RERG: variants seen among roughly 807,000 people sequenced by gnomAD.
RERG encodes ras-related and estrogen-regulated growth inhibitor.
RERG carries 25 observed loss-of-function variants against 23.2 expected under a neutral mutation model. The ratio of observed to expected loss-of-function variants is 1.08; its 90% confidence interval spans 0.79 to 1.50. The LOEUF (loss-of-function observed/expected upper bound fraction) is 1.50, where lower values mean the gene tolerates loss of function less well. Ranked by LOEUF, RERG falls within the 40% of genes most tolerant of loss-of-function variation. RERG has a pLI of 0.00. For missense variants in RERG, 253 were observed against 250.1 expected (o/e 1.01, Z -0.08); for synonymous variants, 81 against 89.1 (o/e 0.91, Z 0.51).
chr12:15,131,425 T>A (rs1376107621), intron 2 of RERG, among the ~76,000 whole-genome samples: 1 of 152,186 alleles, frequency 6.6e-6, no homozygotes, highest in Admixed American at 6.5e-5. Flanking sequence ...CAGAATTATT[T>A]GTAAGGTATT....
intron 2 of RERG, among the ~76,000 whole-genome samples, chr12:15,139,945 T>C (rs912269816): frequency 3.3e-5 from 5 of 152,214 alleles, no homozygotes; most frequent in African/African-American, 1.2e-4. Flanking sequence ...ACTATGTTCA[T>C]CTGGTTCTGC....
intron 2 of RERG, among the ~76,000 whole-genome samples, chr12:15,134,070 G>C (rs967627206): frequency 6.8e-6 from 1 of 147,822 alleles, no homozygotes; most frequent in Non-Finnish European, 1.5e-5. Flanking sequence ...TCTCTAGACA[G>C]TGTTTTTTTC....
chr12:15,131,284 T>C (rs1864041730), intron 2 of RERG, among the ~76,000 whole-genome samples: 5 of 152,140 alleles, frequency 3.3e-5, no homozygotes, highest in Admixed American at 3.3e-4. Flanking sequence ...TTCAAACCAG[T>C]TTTATATAAG....
At chr12:15,217,647 G>A in intron 1 of RERG, 44 bp from the exon 2 acceptor site, 1 of 605,916 alleles carries the variant, frequency 1.7e-6, no homozygotes, top group East Asian at 2.8e-5. Context: ...ACTGGAAAAT[G>A]AATTAATATT....
At chr12:15,124,692 G>A (rs968561691) in intron 2 of RERG, among the ~76,000 whole-genome samples, 2 of 151,944 alleles carry the variant, frequency 1.3e-5, no homozygotes, top group African/African-American at 2.4e-5. Flanking sequence ...AAACTTTGTA[G>A]CATACAACAA....
intron 4 of RERG, 38 bp from the exon 5 acceptor site, chr12:15,109,555 A>C (rs1863566095): frequency 1.3e-6 from 2 of 1,487,402 alleles, no homozygotes; most frequent in Non-Finnish European, 1.8e-6. Context: ...GAGACCTGGA[A>C]ATAATCAAAA....
intron 2 of RERG, among the ~76,000 whole-genome samples, chr12:15,193,025 T>C (rs140793055): frequency 7.7e-4 from 118 of 152,286 alleles, no homozygotes; most frequent in African/African-American, 2.5e-3. Context: ...TTTCTCTTTG[T>C]AATGAATAAA....
intron 2 of RERG, among the ~76,000 whole-genome samples, chr12:15,177,148 T>C (rs1025030622): frequency 5.9e-5 from 9 of 152,186 alleles, no homozygotes; most frequent in South Asian, 2.1e-4. Flanking sequence ...AAGTTCTAGT[T>C]TCTTAAAACT....
intron 2 of RERG, among the ~76,000 whole-genome samples, chr12:15,140,478 G>A (rs1864219043): frequency 1.3e-5 from 2 of 151,960 alleles, no homozygotes; most frequent in Admixed American, 6.6e-5. Context: ...TTTATTTTAC[G>A]TTATTTATTC....
At chr12:15,200,783 T>A (rs1157031667) in intron 2 of RERG, among the ~76,000 whole-genome samples, 1 of 152,010 alleles carries the variant, frequency 6.6e-6, no homozygotes, top group Non-Finnish European at 1.5e-5. Flanking sequence ...AATGTTGACA[T>A]GTTAGGACTT....
At position 15,158,895 on chromosome 12, in the gene RERG, AT is replaced by A. The variant is rs968969591; in HGVS notation, c.62-37777del. On this transcript the variant is annotated intron_variant, in intron 2 of 4. Transcript: ENST00000256953. The stretch of plus-strand genomic sequence containing the variant: ...GGTGGCATTTTTTTAGAATTTTCCA[AT>A]GTAAAGTTATTATTTTTCTATCTGA... 7.9e-4 allele frequency among the ~76,000 whole-genome samples: 120 copies of A among 152,014 alleles called. 1 individual carries two copies. The highest frequency in any genetic ancestry group is 2.5e-3 in the African/African-American group (105 of 41,410).
chr12:15,145,318 G>T (rs1465704525), intron 2 of RERG, among the ~76,000 whole-genome samples: 4 of 152,250 alleles, frequency 2.6e-5, no homozygotes, highest in Non-Finnish European at 4.4e-5. Flanking sequence ...TAAAGAAGAA[G>T]AGAGAGACAG....
At chr12:15,119,015 G>A (rs1415859521) in intron 3 of RERG, among the ~76,000 whole-genome samples, 1 of 151,416 alleles carries the variant, frequency 6.6e-6, no homozygotes, top group East Asian at 1.9e-4. Context: ...TCAAATGGAT[G>A]GAGAACCCCT....
At chr12:15,196,592 C>A (rs192820477) in intron 2 of RERG, among the ~76,000 whole-genome samples, 1 of 152,244 alleles carries the variant, frequency 6.6e-6, no homozygotes, top group Admixed American at 6.5e-5. Context: ...GGGGTCAACT[C>A]AAACACATGA....
chr12:15,215,585 C>T (rs1302297963), intron 2 of RERG, among the ~76,000 whole-genome samples: 1 of 151,984 alleles, frequency 6.6e-6, no homozygotes, highest in Admixed American at 6.6e-5. Flanking sequence ...GTTTCAGTAG[C>T]ATGGTTGTAA....
intron 3 of RERG, among the ~76,000 whole-genome samples, chr12:15,120,159 CTAAAA>C (rs2136087769): frequency 6.6e-6 from 1 of 152,258 alleles, no homozygotes; most frequent in East Asian, 1.9e-4. Flanking sequence ...GTACTTCTTA[CTAAAA>C]TAAATTTCAG....
chr12:15,148,847 G>GTTTTTTTTTTTTTTTT (rs56033971), intron 2 of RERG, among the ~76,000 whole-genome samples: 1 of 45,562 alleles, frequency 2.2e-5, no homozygotes, highest in African/African-American at 5.9e-5. Context: ...CTTTAACTCT[G>GTTTTTTTTTTTTTTTT]TTTTTTTTTT....
At chr12:15,125,753 T>A (rs534311236) in intron 2 of RERG, among the ~76,000 whole-genome samples, 2 of 152,178 alleles carry the variant, frequency 1.3e-5, no homozygotes, top group South Asian at 2.1e-4. Flanking sequence ...AATAATATTT[T>A]AAAAATTATA....
intron 2 of RERG, among the ~76,000 whole-genome samples, chr12:15,183,537 A>G (rs956813567): frequency 6.6e-6 from 1 of 152,158 alleles, no homozygotes; most frequent in South Asian, 2.1e-4. Flanking sequence ...ACAGTATTCA[A>G]TCGAAGTTTC....
Sources: gnomAD v4.1 joint callset for allele counts (sites outside exome capture counted in the v4.1 genomes callset) on GRCh38, gnomAD v4.1.1 for gene constraint, MANE v1.5 for transcripts, NCBI Gene and HGNC (gene_info 2026-07-23, HGNC 2026-07-21) for gene names.